Variants in DIS3L2 observed in about 807,000 individuals in gnomAD.
DIS3L2 encodes the protein DIS3 like 3'-5' exoribonuclease 2, also known as DIS3-like exonuclease 2.
A neutral mutation model predicts 97.5 loss-of-function variants in DIS3L2; 34 were observed. That is an observed-to-expected ratio of 0.35 (90% CI 0.27 to 0.46). DIS3L2 has a LOEUF of 0.46. DIS3L2 is among the 20% of genes least tolerant of loss of function. The probability of loss-of-function intolerance (pLI) is 1.00; values close to 1 mark genes in which losing one functional copy is unlikely to be tolerated. For synonymous variants in DIS3L2, 435 were observed against 445.2 expected, an observed-to-expected ratio of 0.98 and a Z score of 0.29; for missense variants, 1,038 against 1,146.0, an observed-to-expected ratio of 0.91 and a Z score of 1.36.
rs13393741 is a variant in DIS3L2 at position 232,100,829 on chromosome 2, G to A, written c.601+13108G>A. 1.5e-3 allele frequency among the ~76,000 whole-genome samples: 229 copies of A among 148,146 alleles called. 2 individuals carry two copies. The highest frequency in any genetic ancestry group is 4.8e-3 in the African/African-American group (193 of 40,284). On this transcript the variant is annotated intron_variant, in intron 6 of 20. Transcript: ENST00000325385. ...GGTGTGTGTGTGTGTGTGTGTGTGT[G>A]TATATATATCTCCACAAATTTGATT...
intron 6 of DIS3L2, among the ~76,000 whole-genome samples, chr2:232,108,477 ACTTGAAAACCCTCATAAGACAAGGTTG>A (rs1179967172): frequency 6.6e-6 from 1 of 152,144 alleles, no homozygotes; most frequent in East Asian, 1.9e-4. Context: ...AGACAAGGTT[ACTTGAAAACCCTCATAAGACAAGGTTG>A]CTCTCTCTCA....
chr2:231,966,641 A>ATTTTTTTTTTTTTTTTTTTTTTTTTTT (rs36151054), intron 1 of DIS3L2, among the ~76,000 whole-genome samples: 2 of 50,358 alleles, frequency 4.0e-5, no homozygotes, highest in Non-Finnish European at 7.2e-5. Context: ...GTTAAAAAAC[A>ATTTTTTTTTTTTTTTTTTTTTTTTTTT]TTTTTTTTTT....
At chr2:232,336,098 G>T in intron 20 of DIS3L2, 4 of 1,544,032 alleles carry the variant, frequency 2.6e-6, no homozygotes, top group Non-Finnish European at 3.5e-6. Context: ...GAGAGAGGAG[G>T]GGCTCTGCCT....
At chr2:232,265,768 G>T (rs1002844888) in intron 13 of DIS3L2, among the ~76,000 whole-genome samples, 1 of 152,194 alleles carries the variant, frequency 6.6e-6, no homozygotes, top group Non-Finnish European at 1.5e-5. Flanking sequence ...TAAGCATTCT[G>T]TATTCAAATT....
intron 16 of DIS3L2, among the ~76,000 whole-genome samples, chr2:232,333,312 C>A (rs1482935345): frequency 3.3e-5 from 5 of 149,802 alleles, no homozygotes; most frequent in African/African-American, 9.9e-5. Flanking sequence ...ACCTCCTCCT[C>A]CTCCTCCCCC....
rs376332081 is a variant in DIS3L2, at chr2:232,103,992, T to TC, written c.601+16279dup. Among the ~76,000 whole-genome samples the TC allele has an allele frequency of 4.4e-3, 667 of 151,608 alleles. 8 individuals carry two copies. The highest frequency in any genetic ancestry group is 0.015 in the African/African-American group (628 of 41,336). Reference sequence around the variant, plus strand: ...ATCTGTGATCATAACCCCTTTCAGGTCCCCCCCCACCACCTTTTTTTAACA... The same window carrying TC: ...ATCTGTGATCATAACCCCTTTCAGGTCCCCCCCCCACCACCTTTTTTTAACA... On this transcript the variant is annotated intron_variant, in intron 6 of 20. Coordinates refer to ENST00000325385, the MANE Select transcript of DIS3L2 (RefSeq NM_152383.5).
chr2:232,262,003 C>T (rs1693722838), intron 12 of DIS3L2, among the ~76,000 whole-genome samples: 1 of 152,196 alleles, frequency 6.6e-6, no homozygotes, highest in Non-Finnish European at 1.5e-5. Context: ...AGCAATTGCT[C>T]TCTGAGTGCC....
intron 5 of DIS3L2, among the ~76,000 whole-genome samples, chr2:232,086,199 G>T (rs141489840): frequency 6.8e-6 from 1 of 147,578 alleles, no homozygotes; most frequent in South Asian, 2.1e-4. Flanking sequence ...ACGTATAGAC[G>T]TGTATACGTA....
At chr2:232,091,361 A>C (rs1696832373) in intron 6 of DIS3L2, among the ~76,000 whole-genome samples, 1 of 152,064 alleles carries the variant, frequency 6.6e-6, no homozygotes, top group Non-Finnish European at 1.5e-5. Flanking sequence ...CCATGAGTTC[A>C]GTTGTTTTAG....
chr2:232,205,238 A>ATAT (rs1691998820), intron 9 of DIS3L2, among the ~76,000 whole-genome samples: 14 of 144,180 alleles, frequency 9.7e-5, no homozygotes, highest in Admixed American at 5.6e-4. Context: ...ATATATATAT[A>ATAT]AAATGCAGTG....
At chr2:232,184,183 A>T (rs1691370240) in intron 9 of DIS3L2, among the ~76,000 whole-genome samples, 1 of 152,178 alleles carries the variant, frequency 6.6e-6, no homozygotes, top group African/African-American at 2.4e-5. Flanking sequence ...GTTGTTACTT[A>T]TATGAAGTAG....
intron 5 of DIS3L2, among the ~76,000 whole-genome samples, chr2:232,057,227 CA>C (rs1358088266): frequency 2.0e-5 from 3 of 152,064 alleles, no homozygotes; most frequent in Non-Finnish European, 2.9e-5. Flanking sequence ...TTGAAAGGGG[CA>C]AGAGAAGAAC....
At chr2:232,217,599 C>T (rs927392548) in intron 10 of DIS3L2, among the ~76,000 whole-genome samples, 1 of 152,224 alleles carries the variant, frequency 6.6e-6, no homozygotes, top group Non-Finnish European at 1.5e-5. Context: ...TGGGATCCTG[C>T]AACCCCCTCC....
intron 5 of DIS3L2, among the ~76,000 whole-genome samples, chr2:232,067,859 C>T (rs1695895066): frequency 6.6e-6 from 1 of 152,156 alleles, no homozygotes; most frequent in South Asian, 2.1e-4. Context: ...TAAAGTGTTC[C>T]TCTTTTTCCC....
chr2:232,342,272 CATATAT>C (rs201531004), intron 13 of DIS3L2, among the ~76,000 whole-genome samples: 2 of 151,654 alleles, frequency 1.3e-5, no homozygotes, highest in African/African-American at 4.9e-5. Flanking sequence ...TACACATATA[CATATAT>C]ACACATATAT....
At chr2:232,075,388 C>A (rs1696154698) in intron 5 of DIS3L2, among the ~76,000 whole-genome samples, 1 of 152,174 alleles carries the variant, frequency 6.6e-6, no homozygotes, top group Non-Finnish European at 1.5e-5. Flanking sequence ...TTGTGATTCC[C>A]ATATCCATAG....
At chr2:232,176,733 C>T (rs983110812) in intron 9 of DIS3L2, among the ~76,000 whole-genome samples, 1 of 147,874 alleles carries the variant, frequency 6.8e-6, no homozygotes, top group Non-Finnish European at 1.5e-5. Context: ...GGACCACAGG[C>T]ATGTGCCACC....
intron 20 of DIS3L2, chr2:232,336,088 G>A: frequency 6.5e-7 from 1 of 1,543,598 alleles, no homozygotes; most frequent in Non-Finnish European, 8.7e-7. Context: ...AACCACAGTG[G>A]AGAGAGGAGG....
chr2:232,158,053 C>T (rs1422069779), intron 8 of DIS3L2, among the ~76,000 whole-genome samples: 1 of 152,198 alleles, frequency 6.6e-6, no homozygotes, highest in Non-Finnish European at 1.5e-5. Context: ...TTTCAGGTCC[C>T]TATCCATCTG....
Sources: allele counts gnomAD v4.1 joint callset (sites outside exome capture counted in the v4.1 genomes callset), GRCh38; gene constraint gnomAD v4.1.1; transcripts MANE v1.5; gene names NCBI Gene and HGNC (gene_info 2026-07-23, HGNC 2026-07-21).